Variants in NAALADL2 observed in about 807,000 individuals in gnomAD.
NAALADL2 encodes inactive N-acetylated-alpha-linked acidic dipeptidase-like protein 2.
NAALADL2 carries 76 observed loss-of-function variants against 87.2 expected under a neutral mutation model. That is an observed-to-expected ratio of 0.87 (90% CI 0.72 to 1.05). The LOEUF is 1.05. Ranked by LOEUF, NAALADL2 falls within the 50% of genes least tolerant of loss-of-function variation. NAALADL2 has a pLI of 0.00. For missense variants in NAALADL2, 1,089 were observed against 945.8 expected (o/e 1.15, Z -1.99); for synonymous variants, 354 against 331.0 (o/e 1.07, Z -0.75).
intron 4 of NAALADL2, among the ~76,000 whole-genome samples, chr3:175,322,305 A>G (rs1760003276): frequency 7.1e-6 from 1 of 140,198 alleles, no homozygotes; most frequent in African/African-American, 2.8e-5. Flanking sequence ...CTGAAACTGG[A>G]TCCCTTCCTT....
At chr3:175,082,546 G>A (rs1718078896) in intron 1 of NAALADL2, among the ~76,000 whole-genome samples, 1 of 152,134 alleles carries the variant, frequency 6.6e-6, no homozygotes, top group Non-Finnish European at 1.5e-5. Flanking sequence ...CAATACAGGA[G>A]GAAGGCAGAC....
rs1313039914 is a variant in NAALADL2 at position 175,785,131 on chromosome 3, G to T, written c.2190-17874G>T. ...GGAGAGCTTTACTTCCAACTATGTG[G>T]TCAATTTTGGAATAGGTGTGGTGTG... On this transcript the variant is annotated intron_variant, in intron 13 of 13. Coordinates refer to ENST00000454872, the MANE Select transcript of NAALADL2 (RefSeq NM_207015.3). Among the ~76,000 whole-genome samples, 12 of 150,562 alleles carry T rather than the reference G, an allele frequency of 8.0e-5. No individual in the cohort carries two copies. In the East Asian group the frequency reaches 2.3e-3, roughly 29 times the overall value.
At chr3:174,962,689 G>A (rs1233435365) in intron 1 of NAALADL2, among the ~76,000 whole-genome samples, 4 of 151,982 alleles carry the variant, frequency 2.6e-5, no homozygotes, top group Non-Finnish European at 4.4e-5. Context: ...GCTGAAACTT[G>A]TTATCTCGAT....
intron 13 of NAALADL2, among the ~76,000 whole-genome samples, chr3:175,791,446 A>AT (rs922960151): frequency 6.6e-6 from 1 of 152,034 alleles, no homozygotes; most frequent in African/African-American, 2.4e-5. Flanking sequence ...TAATTGGATG[A>AT]CCCCTCCCAG....
chr3:175,447,232 A>G lies in NAALADL2; in HGVS notation c.1094A>G (p.Glu365Gly). 6.3e-7 allele frequency: 1 copy of G among 1,577,028 alleles called. No homozygotes were observed. The highest frequency in any genetic ancestry group is 8.6e-7 in the Non-Finnish European group (1 of 1,166,328). The change falls in exon 6 of 14, where the codon GAA becomes GGA. Residue 365 changes from glutamate to glycine, a missense_variant. By Grantham distance (98) the Glu-to-Gly change is moderately conservative. Transcript: ENST00000454872. ...PSTPGYPSVD[E>G]SFRQSRSNLT... ...TTCCTTTGTCTTTTGAATACAGATG[A>G]AAGTTTTAGACAAAGCCGATCAAAC...
At chr3:175,392,825 A>T (rs1020374745) in intron 5 of NAALADL2, among the ~76,000 whole-genome samples, 2 of 152,190 alleles carry the variant, frequency 1.3e-5, no homozygotes, top group African/African-American at 4.8e-5. Context: ...TTACAGCTTG[A>T]CAGCTGGTTA....
In NAALADL2 at chr3:175,722,101, C is replaced by G. The variant is rs1485337870; in HGVS notation, c.1897-15205C>G. ...AGTAACGTATTGAGAGCCTTAAGACCTTAATCCCAGTTCTGGTCTTGCCAA... is the reference window on the plus strand; with the variant it reads ...AGTAACGTATTGAGAGCCTTAAGACGTTAATCCCAGTTCTGGTCTTGCCAA... On this transcript the variant is annotated intron_variant, in intron 11 of 13. Coordinates refer to ENST00000454872, the MANE Select transcript of NAALADL2 (RefSeq NM_207015.3). Among the ~76,000 whole-genome samples the G allele has an allele frequency of 7.9e-5, 12 of 151,996 alleles. 1 individual carries two copies. The highest frequency in any genetic ancestry group is 7.9e-4 in the Admixed American group (12 of 15,222).
chr3:175,194,604 A>G (rs1358034408), intron 2 of NAALADL2, among the ~76,000 whole-genome samples: 1 of 151,860 alleles, frequency 6.6e-6, no homozygotes, highest in East Asian at 1.9e-4. Flanking sequence ...CTGAGTTGTT[A>G]TTGGGTCAAC....
intron 11 of NAALADL2, among the ~76,000 whole-genome samples, chr3:175,647,115 CT>C (rs1161921019): frequency 6.6e-6 from 1 of 152,106 alleles, no homozygotes; most frequent in Non-Finnish European, 1.5e-5. Context: ...ACACATCTTG[CT>C]CCTATTCATA....
intron 2 of NAALADL2, among the ~76,000 whole-genome samples, chr3:175,195,170 A>T (rs1738792801): frequency 6.6e-6 from 1 of 151,786 alleles, no homozygotes; most frequent in Admixed American, 6.6e-5. Context: ...AGAGACTCTA[A>T]TAATGTCTAC....
chr3:175,198,265 C>T (rs1347979294), intron 2 of NAALADL2, among the ~76,000 whole-genome samples: 1 of 151,888 alleles, frequency 6.6e-6, no homozygotes, highest in African/African-American at 2.4e-5. Flanking sequence ...AGTACCTTTT[C>T]TAGTTATAGA....
chr3:174,466,156 C>G (rs1295621590), intron 1 of NAALADL2, among the ~76,000 whole-genome samples: 1 of 152,178 alleles, frequency 6.6e-6, no homozygotes, highest in Non-Finnish European at 1.5e-5. Context: ...AGTAGTTACA[C>G]ATTTTCACAT....
chr3:175,382,528 C>A (rs537550082), intron 5 of NAALADL2, among the ~76,000 whole-genome samples: 1 of 56,284 alleles, frequency 1.8e-5, no homozygotes, highest in South Asian at 5.6e-4. Context: ...ATACAAATGA[C>A]CCATGGTTAT....
At chr3:175,144,326 A>G (rs1329289871) in intron 2 of NAALADL2, among the ~76,000 whole-genome samples, 1 of 152,002 alleles carries the variant, frequency 6.6e-6, no homozygotes, top group Non-Finnish European at 1.5e-5. Context: ...CATAATTTAA[A>G]TATATCAGCT....
At chr3:174,649,999 C>T (rs1724189884) in intron 2 of NAALADL2, among the ~76,000 whole-genome samples, 1 of 151,986 alleles carries the variant, frequency 6.6e-6, no homozygotes, top group South Asian at 2.1e-4. Flanking sequence ...TTTATAAATC[C>T]ACTTTTATAA....
At chr3:175,473,927 G>T (rs1304910972) in intron 9 of NAALADL2, among the ~76,000 whole-genome samples, 1 of 152,104 alleles carries the variant, frequency 6.6e-6, no homozygotes, top group African/African-American at 2.4e-5. Context: ...ACACAGTAGT[G>T]GGATTGCTGT....
At chr3:174,455,502 G>A (rs538011809) in intron 1 of NAALADL2, among the ~76,000 whole-genome samples, 4 of 152,138 alleles carry the variant, frequency 2.6e-5, no homozygotes, top group Non-Finnish European at 5.9e-5. Flanking sequence ...GAGTATAGCA[G>A]TACATCAAAA....
At position 175,718,456 on chromosome 3, in the gene NAALADL2, A is replaced by C. The variant is rs1160298819; in HGVS notation, c.1897-18850A>C. ...GGGGTGCTTCTGGGTATTTAGGTCC[A>C]CATTCTATTTTAAGGCTGTATATTC... On this transcript the variant is annotated intron_variant, in intron 11 of 13. Transcript: ENST00000454872. 11 of 1,583,598 alleles carry C rather than the reference A, an allele frequency of 6.9e-6. No homozygotes were observed. The African/African-American group carries it at 1.2e-4, about 17-fold the overall frequency.
At chr3:174,758,541 T>G (rs1375423947) in intron 3 of NAALADL2, among the ~76,000 whole-genome samples, 1 of 152,212 alleles carries the variant, frequency 6.6e-6, no homozygotes. Context: ...GGGAGCATCC[T>G]GAAGAGAGGA....
Sources: allele counts gnomAD v4.1 joint callset (sites outside exome capture counted in the v4.1 genomes callset), GRCh38; gene constraint gnomAD v4.1.1; transcripts MANE v1.5; gene names NCBI Gene and HGNC (gene_info 2026-07-23, HGNC 2026-07-21).